Variants in PLXNA2 observed in about 807,000 individuals in gnomAD.
PLXNA2 encodes the protein plexin A2.
Under a neutral mutation model 193.5 loss-of-function variants are expected in PLXNA2, and 91 were observed. The observed-to-expected ratio is 0.47, with a 90% CI of 0.40 to 0.56. The LOEUF (loss-of-function observed/expected upper bound fraction) is 0.56, where lower values mean the gene tolerates loss of function less well. Among genes scored for constraint, PLXNA2 ranks in the 20% least tolerant of loss-of-function variants. The probability of loss-of-function intolerance (pLI) is 0.00; values close to 1 mark genes in which losing one functional copy is unlikely to be tolerated. For missense variants in PLXNA2, 1,995 were observed against 2,503.2 expected, an observed-to-expected ratio of 0.80 and a Z score of 4.33; for synonymous variants, 997 against 1,027.3, an observed-to-expected ratio of 0.97 and a Z score of 0.56.
chr1:208,170,565 C>T (rs1669463387), intron 3 of PLXNA2, among the ~76,000 whole-genome samples: 1 of 152,172 alleles, frequency 6.6e-6, no homozygotes, highest in South Asian at 2.1e-4. Flanking sequence ...TGTCTGTGGG[C>T]ATGTTCATAA....
Position 208,120,456 on chromosome 1 carries a change from T to TCATTAAG in PLXNA2, c.1507-17216_1507-17210dup, listed in dbSNP as rs1325127403. ...GGGCAGGCAGCACTTTTCGGGTTCT[T>TCATTAAG]CATTAAGCATTCCTCTGGCTGCTAC... On this transcript the variant is annotated intron_variant, in intron 4 of 31. Coordinates refer to ENST00000367033, the MANE Select transcript of PLXNA2 (RefSeq NM_025179.4). 4.6e-5 allele frequency among the ~76,000 whole-genome samples: 7 copies of TCATTAAG among 152,280 alleles called. No homozygotes were observed. The East Asian group carries it at 9.7e-4, about 21-fold the overall frequency.
chr1:208,213,302 G>T (rs1244989709), intron 2 of PLXNA2, among the ~76,000 whole-genome samples: 4 of 152,176 alleles, frequency 2.6e-5, no homozygotes, highest in Middle Eastern at 3.2e-3. Flanking sequence ...AATGGTGAGA[G>T]CTTGGTGTAT....
chr1:208,029,947 C>T (rs1664449421), intron 29 of PLXNA2: 2 of 985,392 alleles, frequency 2.0e-6, no homozygotes, highest in South Asian at 4.7e-5. Context: ...CAGGCTTGTC[C>T]TCCAGCCTGA....
At chr1:208,205,812 C>T (rs759983184) in intron 3 of PLXNA2, among the ~76,000 whole-genome samples, 29 of 152,174 alleles carry the variant, frequency 1.9e-4, no homozygotes, top group Non-Finnish European at 2.5e-4. Context: ...GGGAAAGCTG[C>T]ATTGCTGTAA....
intron 28 of PLXNA2, chr1:208,032,019 AG>A (rs1159175881): frequency 1.0e-6 from 1 of 984,906 alleles, no homozygotes; most frequent in Non-Finnish European, 1.2e-6. Context: ...GTGTAGGCTC[AG>A]GGTCTTTGAC....
At chr1:208,068,022 C>T (rs1287928872) in intron 12 of PLXNA2, among the ~76,000 whole-genome samples, 1 of 152,136 alleles carries the variant, frequency 6.6e-6, no homozygotes, top group Admixed American at 6.5e-5. Context: ...TTTACTAGCC[C>T]CTTCTTCTAC....
At chr1:208,037,997 G>A (rs556493720) in intron 26 of PLXNA2, among the ~76,000 whole-genome samples, 1 of 152,360 alleles carries the variant, frequency 6.6e-6, no homozygotes, top group East Asian at 1.9e-4. Context: ...ATGCTAAAGA[G>A]AGAAAGTGCC....
At position 208,045,960 on chromosome 1, in the gene PLXNA2, A is replaced by T. The variant is rs1275950605; in HGVS notation, c.3413T>A (p.Ile1138Asn). The change falls in exon 18 of 32, where the codon ATC becomes AAC. Residue 1138 changes from isoleucine (I) to asparagine (N), a missense_variant. Ile to Asn is a moderately radical substitution (Grantham distance 149, BLOSUM62 -3). Coordinates refer to ENST00000367033, the MANE Select transcript of PLXNA2 (RefSeq NM_025179.4). ...TTCAAAGGTCGGGTTGGGGTAGTAG[A>T]TAAACTTGGTGTCGTTGTAAATTAG... ...SLLIYNDTKF[I>N]YYPNPTFELL... 1 of 1,614,258 alleles carries T rather than the reference A, an allele frequency of 6.2e-7. No homozygotes were observed. The highest frequency in any genetic ancestry group is 8.5e-7 in the Non-Finnish European group (1 of 1,180,042).
rs2102611817 is a variant in PLXNA2 at position 208,216,881 on chromosome 1, G to A, written c.1042C>T (p.His348Tyr). ...IFSKGQKQYH[H>Y]PPDDSALCAF... ...CACAGGGCAGAGTCATCGGGCGGGT[G>A]GTGATACTGCTTCTGCCCTTTGGAG... Residue 348 changes from histidine to tyrosine, a missense_variant, in exon 2 of 32, where the codon CAC (histidine) becomes TAC (tyrosine). By Grantham distance (83) the His-to-Tyr change is moderately conservative. Coordinates refer to ENST00000367033, the MANE Select transcript of PLXNA2 (RefSeq NM_025179.4). 6.2e-7 allele frequency: 1 copy of A among 1,614,218 alleles called. No homozygotes were observed. The highest frequency in any genetic ancestry group is 1.1e-5 in the South Asian group (1 of 91,092).
At chr1:208,034,422 T>G (rs1571844136) in intron 27 of PLXNA2, 71 bp downstream of exon 27, 2 of 938,892 alleles carry the variant, frequency 2.1e-6, no homozygotes, top group Non-Finnish European at 3.5e-6. Context: ...TTAGAAGGGG[T>G]AGCGAGTGGG....
At chr1:208,121,026 C>T (rs373658872) in intron 4 of PLXNA2, among the ~76,000 whole-genome samples, 34 of 152,240 alleles carry the variant, frequency 2.2e-4, no homozygotes, top group Middle Eastern at 6.8e-3. Flanking sequence ...TGTAGATTTC[C>T]TTTGTTACTC....
intron 4 of PLXNA2, among the ~76,000 whole-genome samples, chr1:208,139,179 T>G (rs572234584): frequency 4.6e-5 from 7 of 152,236 alleles, no homozygotes; most frequent in Admixed American, 1.3e-4. Context: ...CCTAGGACCT[T>G]AAACAAATTT....
intron 8 of PLXNA2, among the ~76,000 whole-genome samples, chr1:208,095,517 G>C (rs749642599): frequency 6.0e-4 from 92 of 152,208 alleles, no homozygotes; most frequent in Non-Finnish European, 1.1e-3. Context: ...TGGAGTGAAG[G>C]CCTCTGCTCC....
At chr1:208,191,191 G>T (rs1265251689) in intron 3 of PLXNA2, among the ~76,000 whole-genome samples, 1 of 152,202 alleles carries the variant, frequency 6.6e-6, no homozygotes, top group Non-Finnish European at 1.5e-5. Context: ...ACAAACATTG[G>T]TAAGAATCCC....
In PLXNA2 at chr1:208,217,226, G is replaced by A. The variant is rs765600017; in HGVS notation, c.697C>T (p.Leu233=). The part of the protein sequence containing the change: ...SSLIKIPSDT[L]ALVSHFDIFY... Reference sequence around the variant, plus strand: ...ATGTCAAAGTGGGAGACCAGGGCCAGGGTGTCTGAAGGGATCTTGATGAGA... The same window carrying A: ...ATGTCAAAGTGGGAGACCAGGGCCAAGGTGTCTGAAGGGATCTTGATGAGA... The change falls in exon 2 of 32, where the codon CTG becomes TTG. Residue 233 remains leucine (L), a synonymous_variant. Transcript: ENST00000367033. This position sits in a 1 kb window ranked among gnomAD's most constrained non-coding sequence, Gnocchi z 4.7. The A allele has an allele frequency of 2.5e-6, 4 of 1,614,208 alleles. No homozygotes were observed. The Admixed American group carries it at 6.7e-5, about 27-fold the overall frequency.
At chr1:208,073,585 C>A (rs187461637) in intron 12 of PLXNA2, among the ~76,000 whole-genome samples, 2 of 152,258 alleles carry the variant, frequency 1.3e-5, no homozygotes, top group East Asian at 1.9e-4. Flanking sequence ...GCATCTCCCC[C>A]CTCTGATCAG....
rs1317040970 is a variant in PLXNA2, at chr1:208,028,018, A to G, written c.5580T>C (p.Tyr1860=). ...LNEIYSYVSK[Y]SEELIGALEQ... ...TGGGGCCCTGTCTCACCTCCTCACT[A>G]TACTTGCTGACATAGGAGTAGATCT... Residue 1860 remains tyrosine (Y), a synonymous_variant, in exon 31 of 32, where the codon TAT becomes TAC. Coordinates refer to ENST00000367033, the MANE Select transcript of PLXNA2 (RefSeq NM_025179.4). The surrounding 1 kb of genome is among the most constrained non-coding windows in gnomAD (Gnocchi z 4.2). The G allele has an allele frequency of 1.9e-6, 3 of 1,600,758 alleles. No individual in the cohort carries two copies. Among genetic ancestry groups the G allele is most frequent in the Admixed American group, 1.7e-5 (1 of 58,416 alleles).
At chr1:208,089,740 A>C (rs928523363) in intron 9 of PLXNA2, among the ~76,000 whole-genome samples, 1 of 152,180 alleles carries the variant, frequency 6.6e-6, no homozygotes, top group Non-Finnish European at 1.5e-5. Flanking sequence ...GACAGACATA[A>C]AATTTTGATT....
chr1:208,028,256 A>C lies in PLXNA2; in HGVS notation c.5439-97T>G. 8.7e-7 allele frequency: 1 copy of C among 1,146,382 alleles called. No homozygotes were observed. The allele number at this position is 1,146,382 out of a possible 1,614,324, so 71.0% of individuals were successfully genotyped here. A position where few individuals can be genotyped will look rare whatever the true frequency, so the allele number is the denominator to read the frequency against. ...GTCCTTCGAGGGCACTGATGTACCC[A>C]GTTGCTCCTGCCTCCCTATTTCTCT... On this transcript the variant is annotated intron_variant, in intron 30 of 31. Coordinates refer to ENST00000367033, the MANE Select transcript of PLXNA2 (RefSeq NM_025179.4). This position sits in a 1 kb window ranked among gnomAD's most constrained non-coding sequence, Gnocchi z 4.2.
Sources: allele counts gnomAD v4.1 joint callset (sites outside exome capture counted in the v4.1 genomes callset), GRCh38; gene constraint gnomAD v4.1.1; non-coding constraint Gnocchi (gnomAD v3.1); transcripts MANE v1.5; gene names NCBI Gene and HGNC (gene_info 2026-07-23, HGNC 2026-07-21).